Variants in PYGO1 observed in about 807,000 individuals in gnomAD.
PYGO1 encodes pygopus family PHD finger 1, also known as pygopus homolog 1.
PYGO1 carries 6 observed loss-of-function variants against 29.5 expected under a neutral mutation model. That is an observed-to-expected ratio of 0.20 (90% CI 0.11 to 0.40). PYGO1 has a LOEUF of 0.40. Among genes scored for constraint, PYGO1 ranks in the 10% least tolerant of loss-of-function variants. The pLI is 1.00. For synonymous variants in PYGO1, 186 were observed against 180.5 expected (o/e 1.03, Z -0.24); for missense variants, 515 against 514.9 (o/e 1.00, Z 0.00).
chr15:55,574,288 G>T (rs62021869), intron 1 of PYGO1, among the ~76,000 whole-genome samples: 7,207 of 152,276 alleles, frequency 0.047, 246 homozygotes, highest in Middle Eastern at 0.068. Context: ...GCAATAGGAG[G>T]TGGCTATGAA....
At chr15:55,559,096 G>A (rs1275396026) in intron 1 of PYGO1, among the ~76,000 whole-genome samples, 1 of 152,164 alleles carries the variant, frequency 6.6e-6, no homozygotes, top group East Asian at 1.9e-4. Flanking sequence ...CTGACAAAGG[G>A]CTAATATCCA....
At chr15:55,562,627 C>T (rs7169051) in intron 1 of PYGO1, among the ~76,000 whole-genome samples, 3,368 of 151,206 alleles carry the variant, frequency 0.022, 135 homozygotes, top group African/African-American at 0.078. Flanking sequence ...GCTGAGATCA[C>T]GCCATTACAC....
rs546864020 is a variant in PYGO1, at chr15:55,546,386, A to G, written c.897T>C (p.Pro299=). ...SSSTEATNNN[P]ANGTQNKPRQ... ...GTGGCTTATTCTGCGTCCCATTTGC[A>G]GGGTTATTGTTTGTGGCTTCAGTGC... is the stretch of plus-strand genomic sequence containing the variant. Residue 299 remains proline (P), a synonymous_variant, in exon 3 of 3, where the codon CCT becomes CCC. Transcript: ENST00000563719. 112 of 1,614,064 alleles carry G rather than the reference A, an allele frequency of 6.9e-5. No homozygotes were observed. The South Asian group carries it at 1.2e-3, about 17-fold the overall frequency.
At chr15:55,573,487 G>A (rs1035431365) in intron 1 of PYGO1, among the ~76,000 whole-genome samples, 1 of 152,130 alleles carries the variant, frequency 6.6e-6, no homozygotes, top group African/African-American at 2.4e-5. Context: ...CCAACTTCTG[G>A]ATATACACCC....
chr15:55,563,725 G>A (rs904493140), intron 1 of PYGO1, among the ~76,000 whole-genome samples: 2 of 152,098 alleles, frequency 1.3e-5, no homozygotes, highest in Non-Finnish European at 2.9e-5. Flanking sequence ...TGTACCCGAC[G>A]TGTAGTCTTT....
At chr15:55,562,137 G>A (rs925089778) in intron 1 of PYGO1, among the ~76,000 whole-genome samples, 2 of 152,126 alleles carry the variant, frequency 1.3e-5, no homozygotes, top group African/African-American at 4.8e-5. Flanking sequence ...AAACCACAAC[G>A]AGATACCATC....
At chr15:55,574,379 G>T (rs2058992570) in intron 1 of PYGO1, among the ~76,000 whole-genome samples, 1 of 152,128 alleles carries the variant, frequency 6.6e-6, no homozygotes, top group Non-Finnish European at 1.5e-5. Flanking sequence ...CCTCTCTACT[G>T]CAAATGGTGC....
intron 1 of PYGO1, among the ~76,000 whole-genome samples, chr15:55,581,023 C>T (rs1326712240): frequency 6.6e-6 from 1 of 152,192 alleles, no homozygotes; most frequent in Non-Finnish European, 1.5e-5. Context: ...AATAATTCCT[C>T]CCTGTAAGGA....
At chr15:55,570,366 A>T (rs994540714) in intron 1 of PYGO1, among the ~76,000 whole-genome samples, 4 of 151,940 alleles carry the variant, frequency 2.6e-5, no homozygotes, top group Non-Finnish European at 5.9e-5. Context: ...TTTAAGAAAA[A>T]TTTTTTCAAA....
At chr15:55,588,827 G>A (rs756015134), upstream of PYGO1, 2 of 1,613,986 alleles carry the variant, frequency 1.2e-6, no homozygotes, top group Non-Finnish European at 1.7e-6. Flanking sequence ...TTTGTAAGCG[G>A]GAGCTGGAGA....
chr15:55,548,963 G>C lies in PYGO1; in HGVS notation c.82C>G (p.Pro28Ala), dbSNP rs2058866431. 6.2e-7 allele frequency: 1 copy of C among 1,611,120 alleles called. No homozygotes were observed. The highest frequency in any genetic ancestry group is 8.5e-7 in the Non-Finnish European group (1 of 1,178,922). Residue 28 changes from proline to alanine, a missense_variant, in exon 2 of 3, where the codon CCA becomes GCA. Transcript: ENST00000563719. Reference sequence around the variant, plus strand: ...TCTGGGCTTCCTAGTTGTACACCTGGTCCTCCTAACCCATCCAGTCCACTA... The same window carrying C: ...TCTGGGCTTCCTAGTTGTACACCTGCTCCTCCTAACCCATCCAGTCCACTA... ...GDSGLDGLGG[P>A]GVQLGSPDKK... is the part of the protein sequence containing the mutation.
At chr15:55,547,859 T>C (rs985785744) in intron 2 of PYGO1, among the ~76,000 whole-genome samples, 2 of 152,222 alleles carry the variant, frequency 1.3e-5, no homozygotes, top group East Asian at 3.8e-4. Flanking sequence ...AAGGCCTCCA[T>C]CATGATTGCT....
rs1400966915 is a variant in PYGO1, at chr15:55,546,454, T to C, written c.829A>G (p.Asn277Asp). The change falls in exon 3 of 3, where the codon AAT becomes GAT. Residue 277 changes from asparagine to aspartate, a missense_variant. Transcript: ENST00000563719. Reference protein sequence around the residue: ...NQSNIELKNVNRNNAVNQENS... With the variant: ...NQSNIELKNVDRNNAVNQENS... ...TCCTGATTTACTGCATTGTTTCGAT[T>C]AACATTTTTTAATTCAATATTACTC... 6.2e-7 allele frequency: 1 copy of C among 1,614,078 alleles called. No homozygotes were observed. Among genetic ancestry groups the C allele is most frequent in the East Asian group, 2.2e-5 (1 of 44,896 alleles).
chr15:55,568,707 T>C (rs930464930), intron 1 of PYGO1, among the ~76,000 whole-genome samples: 1 of 152,188 alleles, frequency 6.6e-6, no homozygotes, highest in African/African-American at 2.4e-5. Flanking sequence ...GCCTATACAG[T>C]ATGATGCTGG....
At chr15:55,562,258 A>T (rs1196948805) in intron 1 of PYGO1, among the ~76,000 whole-genome samples, 2 of 152,248 alleles carry the variant, frequency 1.3e-5, no homozygotes, top group Admixed American at 1.3e-4. Context: ...AATTAGTTCA[A>T]CCACTGTGGA....
intron 1 of PYGO1, among the ~76,000 whole-genome samples, chr15:55,580,405 A>C (rs972983762): frequency 6.6e-6 from 1 of 152,242 alleles, no homozygotes; most frequent in Non-Finnish European, 1.5e-5. Flanking sequence ...AAATATACCT[A>C]AAAGAGAATG....
upstream of PYGO1, among the ~76,000 whole-genome samples, chr15:55,588,498 C>G (rs1382913891): frequency 6.8e-6 from 1 of 146,258 alleles, no homozygotes; most frequent in Non-Finnish European, 1.5e-5. Context: ...CGCGGCGCCT[C>G]CCGCCACCGC....
Position 55,547,442 on chromosome 15 carries a change from T to C in PYGO1, c.136-295A>G, listed in dbSNP as rs575069273. Among the ~76,000 whole-genome samples the C allele has an allele frequency of 1.4e-4, 21 of 152,342 alleles. 2 individuals carry two copies. The South Asian group carries it at 4.3e-3, about 32-fold the overall frequency. ...AAGTAGTTAACTTTCAAAAGAAGCT[T>C]CATTATCCTAATTTTCATTTAATAT... On this transcript the variant is annotated intron_variant, in intron 2 of 2. Transcript: ENST00000563719.
rs75367053 is a variant in PYGO1 at position 55,548,814 on chromosome 15, A to C, written c.135+96T>G. On this transcript the variant is annotated intron_variant, in intron 2 of 2. Transcript: ENST00000563719. ...GAATGATTAAAAGTACAATCACTTGAATAGAAAACAAAACTTATGACCAAG... is the reference window on the plus strand; with the variant it reads ...GAATGATTAAAAGTACAATCACTTGCATAGAAAACAAAACTTATGACCAAG... 5.8e-3 allele frequency: 4,784 copies of C among 827,068 alleles called. 131 individuals are homozygous for C. Among genetic ancestry groups the C allele is most frequent in the East Asian group, 0.043 (1,517 of 35,510 alleles). 51.2% of individuals were successfully genotyped at this position (827,068 alleles called of 1,614,324 possible). A position where few individuals can be genotyped will look rare whatever the true frequency, so the allele number is the denominator to read the frequency against.
Sources: gnomAD v4.1 joint callset for allele counts (sites outside exome capture counted in the v4.1 genomes callset) on GRCh38, gnomAD v4.1.1 for gene constraint, MANE v1.5 for transcripts, NCBI Gene and HGNC (gene_info 2026-07-23, HGNC 2026-07-21) for gene names.